The following SLC28A1 variants were observed in gnomAD, a reference collection of about 807,000 sequenced individuals.
The protein encoded by SLC28A1 is solute carrier family 28 member 1, also known as sodium/nucleoside cotransporter 1.
A neutral mutation model predicts 74.8 loss-of-function variants in SLC28A1; 64 were observed. The observed-to-expected ratio is 0.86, with a 90% CI of 0.70 to 1.05. The LOEUF is 1.05. SLC28A1 is among the 50% of genes least tolerant of loss of function. The pLI, the probability that SLC28A1 is intolerant of heterozygous loss-of-function variation, is 0.00. For synonymous variants in SLC28A1, 359 were observed against 335.0 expected (o/e 1.07, Z -0.78); for missense variants, 828 against 822.8 (o/e 1.01, Z -0.08).
At chr15:84,901,084 T>C (rs1647525084) in intron 6 of SLC28A1, among the ~76,000 whole-genome samples, 1 of 151,994 alleles carries the variant, frequency 6.6e-6, no homozygotes, top group East Asian at 1.9e-4. Context: ...TAGCTGGGCG[T>C]AGTGGCGCAC....
chr15:84,946,110 A>ATTTT (rs1382844934), downstream of SLC28A1, among the ~76,000 whole-genome samples: 7 of 9,596 alleles, frequency 7.3e-4, no homozygotes, highest in East Asian at 0.014. Flanking sequence ...ATATATATAT[A>ATTTT]TATTTTTTTT....
chr15:84,924,561 C>A (rs1567166820), intron 12 of SLC28A1, among the ~76,000 whole-genome samples: 1 of 152,150 alleles, frequency 6.6e-6, no homozygotes, highest in African/African-American at 2.4e-5. Context: ...TGCCTCTGCT[C>A]CTAAATTATT....
the SLC28A1 span, among the ~76,000 whole-genome samples, chr15:84,964,119 A>G: frequency 7.9e-5 from 12 of 152,200 alleles, no homozygotes; most frequent in Admixed American, 4.6e-4. Flanking sequence ...GGCCCCTGTC[A>G]TACCTTGTGA....
chr15:84,975,210 G>A, the SLC28A1 span, among the ~76,000 whole-genome samples: 2 of 152,192 alleles, frequency 1.3e-5, no homozygotes, highest in Non-Finnish European at 2.9e-5. Flanking sequence ...AGTATTTCTA[G>A]AATACAGTAG....
At chr15:84,972,949 C>A in the SLC28A1 span, among the ~76,000 whole-genome samples, 2 of 152,202 alleles carry the variant, frequency 1.3e-5, no homozygotes, top group South Asian at 4.1e-4. Context: ...CAGGAGCCTC[C>A]TCTCTGACCT....
chr15:84,888,807 C>T lies in SLC28A1; in HGVS notation c.132C>T (p.Pro44=), dbSNP rs17215892. 15 of 1,554,778 alleles carry T rather than the reference C, an allele frequency of 9.6e-6. No individual in the cohort carries two copies. The highest frequency in any genetic ancestry group is 6.8e-5 in the African/African-American group (5 of 73,204). The part of the protein sequence containing the change: ...EGQLPRSDLS[P]AEIRSSWSEA... ...AGCTCCCTAGGAGTGACTTGAGCCCCGCAGAGATCAGGAGCAGCTGGAGCG... is the reference window on the plus strand; with the variant it reads ...AGCTCCCTAGGAGTGACTTGAGCCCTGCAGAGATCAGGAGCAGCTGGAGCG... The change falls in exon 4 of 19, where the codon CCC becomes CCT. Residue 44 remains proline, a synonymous_variant. Transcript: ENST00000394573.
the SLC28A1 span, among the ~76,000 whole-genome samples, chr15:84,960,898 C>G: frequency 6.6e-6 from 1 of 152,058 alleles, no homozygotes; most frequent in Non-Finnish European, 1.5e-5. Context: ...GACAACAGTG[C>G]TAACTACAGG....
At chr15:84,959,994 T>C in the SLC28A1 span, among the ~76,000 whole-genome samples, 3 of 152,118 alleles carry the variant, frequency 2.0e-5, no homozygotes, top group Non-Finnish European at 4.4e-5. Context: ...TCTATTTCAA[T>C]GGGGGGAACT....
intron 14 of SLC28A1, 52 bp downstream of exon 14, chr15:84,935,246 G>C: frequency 6.2e-7 from 1 of 1,611,954 alleles, no homozygotes; most frequent in East Asian, 2.2e-5. Flanking sequence ...CCCCAGGTGG[G>C]TGGTGAGTGG....
chr15:84,961,142 A>T, the SLC28A1 span, among the ~76,000 whole-genome samples: 1 of 152,142 alleles, frequency 6.6e-6, no homozygotes, highest in East Asian at 1.9e-4. Context: ...AACTCTGATA[A>T]TGCAGGCATT....
intron 6 of SLC28A1, 46 bp from the exon 7 acceptor site, chr15:84,904,051 G>T (rs764131699): frequency 6.2e-7 from 1 of 1,613,352 alleles, no homozygotes; most frequent in African/African-American, 1.3e-5. Context: ...TGGGTGGGGT[G>T]GGGGTGCAAT....
intron 6 of SLC28A1, among the ~76,000 whole-genome samples, chr15:84,897,831 AT>A (rs1303022997): frequency 6.6e-6 from 1 of 152,186 alleles, no homozygotes; most frequent in Non-Finnish European, 1.5e-5. Flanking sequence ...ACTACTGTCT[AT>A]CTTCATAAGA....
At chr15:84,899,086 C>G (rs1227878437) in intron 6 of SLC28A1, among the ~76,000 whole-genome samples, 1 of 152,050 alleles carries the variant, frequency 6.6e-6, no homozygotes, top group Non-Finnish European at 1.5e-5. Context: ...TGGAATCACA[C>G]AGGGCCAGGA....
At chr15:84,887,470 G>T in intron 2 of SLC28A1, 1 of 979,314 alleles carries the variant, frequency 1.0e-6, no homozygotes, top group Non-Finnish European at 1.2e-6. Context: ...GACTGCTTGA[G>T]CCCAGGAGTT....
At chr15:84,919,739 C>G (rs1969572494) in intron 10 of SLC28A1, among the ~76,000 whole-genome samples, 1 of 152,178 alleles carries the variant, frequency 6.6e-6, no homozygotes, top group Non-Finnish European at 1.5e-5. Flanking sequence ...CCCTAATCAC[C>G]TCCTCAAGGT....
the SLC28A1 span, among the ~76,000 whole-genome samples, chr15:84,951,638 G>A: frequency 6.6e-6 from 1 of 151,976 alleles, no homozygotes; most frequent in Non-Finnish European, 1.5e-5. Context: ...TCTTTCCTGC[G>A]GGGATCCTGA....
intron 13 of SLC28A1, among the ~76,000 whole-genome samples, chr15:84,933,644 G>C (rs1488889876): frequency 3.0e-4 from 46 of 152,102 alleles, no homozygotes; most frequent in Admixed American, 3.0e-3. Context: ...AGGGAACTGA[G>C]CATGCTAGCT....
At chr15:84,939,886 G>A (rs1431096400) in intron 15 of SLC28A1, among the ~76,000 whole-genome samples, 1 of 152,148 alleles carries the variant, frequency 6.6e-6, no homozygotes, top group Non-Finnish European at 1.5e-5. Context: ...GTGCAGTGGT[G>A]CAATCACAGC....
chr15:84,926,928 C>T (rs1970589500), intron 12 of SLC28A1, among the ~76,000 whole-genome samples: 1 of 152,152 alleles, frequency 6.6e-6, no homozygotes, highest in Non-Finnish European at 1.5e-5. Context: ...AACAAACAGC[C>T]AGCCTGCCCC....
Sources: gnomAD v4.1 joint callset for allele counts (sites outside exome capture counted in the v4.1 genomes callset) on GRCh38, gnomAD v4.1.1 for gene constraint, MANE v1.5 for transcripts, NCBI Gene and HGNC (gene_info 2026-07-23, HGNC 2026-07-21) for gene names.